Variants in NPAS3 observed in about 807,000 individuals in gnomAD.
The protein encoded by NPAS3 is neuronal PAS domain-containing protein 3.
In NPAS3, 14 loss-of-function variants were observed where a neutral mutation model predicts 73.1. The observed-to-expected ratio is 0.19, with a 90% CI of 0.13 to 0.30. The LOEUF (loss-of-function observed/expected upper bound fraction) is 0.30. Among genes scored for constraint, NPAS3 ranks in the 10% least tolerant of loss-of-function variants. The pLI is 1.00. For synonymous variants in NPAS3, 620 were observed against 541.5 expected (o/e 1.14, Z -2.01); for missense variants, 1,096 against 1,250.0 (o/e 0.88, Z 1.86).
chr14:33,443,244 A>T (rs1232290600), intron 4 of NPAS3, among the ~76,000 whole-genome samples: 1 of 152,136 alleles, frequency 6.6e-6, no homozygotes, highest in Non-Finnish European at 1.5e-5. Context: ...TTAAAGGGAA[A>T]ATTTGACTAT....
chr14:33,767,278 A>C (rs2062493870), intron 7 of NPAS3, among the ~76,000 whole-genome samples: 1 of 152,198 alleles, frequency 6.6e-6, no homozygotes, highest in Non-Finnish European at 1.5e-5. Context: ...AGTCTACACA[A>C]GGTTGATATT....
chr14:33,337,056 TTTTGAAGAA>T (rs1015268299), intron 3 of NPAS3, among the ~76,000 whole-genome samples: 2 of 152,220 alleles, frequency 1.3e-5, no homozygotes, highest in African/African-American at 2.4e-5. Context: ...CAAAGGTGTT[TTTTGAAGAA>T]CAGAGGTTTT....
intron 7 of NPAS3, among the ~76,000 whole-genome samples, chr14:33,752,500 G>A (rs2061992502): frequency 6.6e-6 from 1 of 152,198 alleles, no homozygotes; most frequent in Non-Finnish European, 1.5e-5. Context: ...ACCAAGTTGG[G>A]TTTGGGTGTT....
At chr14:33,390,332 A>G (rs2046948624) in intron 4 of NPAS3, among the ~76,000 whole-genome samples, 2 of 152,190 alleles carry the variant, frequency 1.3e-5, no homozygotes, top group Admixed American at 1.3e-4. Flanking sequence ...GGAGAGAAAG[A>G]GTGCTGCCTC....
intron 1 of NPAS3, among the ~76,000 whole-genome samples, chr14:33,021,964 A>G (rs779611170): frequency 1.1e-4 from 17 of 152,172 alleles, no homozygotes; most frequent in Admixed American, 2.0e-4. Flanking sequence ...TGATGAGGAA[A>G]CTAAATGGAG....
intron 3 of NPAS3, among the ~76,000 whole-genome samples, chr14:33,220,096 C>T (rs1430645761): frequency 3.9e-5 from 6 of 152,148 alleles, no homozygotes; most frequent in Admixed American, 1.3e-4. Context: ...TCTTTTTGCA[C>T]GGGTAAAGGG....
Position 33,030,339 on chromosome 14 carries a change from G to T in NPAS3, c.51-25566G>T, listed in dbSNP as rs17099943. On this transcript the variant is annotated intron_variant, in intron 1 of 11. Coordinates refer to ENST00000356141, the Ensembl canonical transcript of NPAS3. The stretch of plus-strand genomic sequence containing the variant: ...TTGCCTGCCAATATGCAAGTGTAAG[G>T]GTTTCAAAGTGCAGAAAATATTATT... Among the ~76,000 whole-genome samples the T allele has an allele frequency of 7.6e-3, 1,161 of 152,102 alleles. 17 individuals carry two copies. Among genetic ancestry groups the T allele is most frequent in the African/African-American group, 0.027 (1,121 of 41,474 alleles).
chr14:33,000,652 A>G (rs2038773436), intron 1 of NPAS3, among the ~76,000 whole-genome samples: 1 of 152,218 alleles, frequency 6.6e-6, no homozygotes, highest in African/African-American at 2.4e-5. Flanking sequence ...TTATAATCTA[A>G]TGGAACAAAT....
intron 5 of NPAS3, among the ~76,000 whole-genome samples, chr14:33,645,647 TG>T (rs1378613024): frequency 6.6e-6 from 1 of 152,170 alleles, no homozygotes; most frequent in African/African-American, 2.4e-5. Context: ...CTGCCTCTGG[TG>T]GGTTGCCTTC....
chr14:33,459,896 A>G (rs1331950960), intron 4 of NPAS3, among the ~76,000 whole-genome samples: 3 of 152,216 alleles, frequency 2.0e-5, no homozygotes, highest in South Asian at 2.1e-4. Flanking sequence ...CATCCTTGCT[A>G]GACTATAGGC....
At chr14:33,572,622 G>A (rs774305872) in intron 5 of NPAS3, among the ~76,000 whole-genome samples, 2 of 152,130 alleles carry the variant, frequency 1.3e-5, no homozygotes, top group Non-Finnish European at 2.9e-5. Flanking sequence ...AACCAGGAAC[G>A]CTAGTTACCT....
chr14:33,684,775 G>A (rs1405759046), intron 6 of NPAS3, among the ~76,000 whole-genome samples: 1 of 152,110 alleles, frequency 6.6e-6, no homozygotes, highest in Non-Finnish European at 1.5e-5. Flanking sequence ...GCTCTGTGTC[G>A]GCCAACACTG....
At chr14:33,774,429 G>T in exon 8 of NPAS3, 1 of 1,614,108 alleles carries the variant, frequency 6.2e-7, no homozygotes, top group South Asian at 1.1e-5. Context: ...TGGTTGTTGC[G>T]CATGCCTTGC....
intron 2 of NPAS3, among the ~76,000 whole-genome samples, chr14:33,060,196 G>T (rs1338899746): frequency 6.6e-6 from 1 of 152,186 alleles, no homozygotes; most frequent in South Asian, 2.1e-4. Context: ...AAGATAAGTA[G>T]GAAAGAGTCA....
chr14:33,469,683 A>G (rs2050694549), intron 4 of NPAS3, among the ~76,000 whole-genome samples: 1 of 152,170 alleles, frequency 6.6e-6, no homozygotes, highest in African/African-American at 2.4e-5. Flanking sequence ...GGCTGTTGAT[A>G]ACCCTCGGTG....
intron 2 of NPAS3, among the ~76,000 whole-genome samples, chr14:33,087,320 C>T (rs2042071842): frequency 6.8e-6 from 1 of 147,874 alleles, no homozygotes; most frequent in South Asian, 2.1e-4. Context: ...GACTTCAAGC[C>T]TAACACTTGT....
Position 32,987,243 on chromosome 14 carries a change from T to C in NPAS3, c.50+47877T>C, listed in dbSNP as rs540437504. Among the ~76,000 whole-genome samples, 311 of 152,038 alleles carry C rather than the reference T, an allele frequency of 2.0e-3. 8 individuals carry two copies. The South Asian group carries it at 0.033, about 16-fold the overall frequency. On this transcript the variant is annotated intron_variant, in intron 1 of 11. Transcript: ENST00000356141. ...GTGTCAGAATTTTTTTTTTTTTTTT[T>C]TAGTGAATTGGTCTTAGCAATTTCC...
intron 1 of NPAS3, among the ~76,000 whole-genome samples, chr14:32,964,585 A>T (rs959286566): frequency 2.0e-5 from 3 of 152,262 alleles, no homozygotes; most frequent in African/African-American, 7.2e-5. Context: ...AATTCTGAAG[A>T]TTTAATAGAT....
intron 1 of NPAS3, among the ~76,000 whole-genome samples, chr14:33,012,782 TC>T (rs2039256901): frequency 6.6e-6 from 1 of 152,278 alleles, no homozygotes; most frequent in Admixed American, 6.5e-5. Context: ...ACTACTGAGC[TC>T]AGGCAATCCA....
Sources: gnomAD v4.1 joint callset for allele counts (sites outside exome capture counted in the v4.1 genomes callset) on GRCh38, gnomAD v4.1.1 for gene constraint, MANE v1.5 for transcripts, NCBI Gene and HGNC (gene_info 2026-07-23, HGNC 2026-07-21) for gene names.